The following PPP2R2B variants were observed in gnomAD, a reference collection of about 807,000 sequenced individuals.
The protein encoded by PPP2R2B is serine/threonine-protein phosphatase 2A 55 kDa regulatory subunit B beta isoform.
A neutral mutation model predicts 46.0 loss-of-function variants in PPP2R2B; 5 were observed. The ratio of observed to expected loss-of-function variants is 0.11; its 90% CI spans 0.06 to 0.23. The LOEUF is 0.23. Ranked by LOEUF, PPP2R2B falls within the 10% of genes least tolerant of loss-of-function variation. The probability of loss-of-function intolerance (pLI) is 1.00; values close to 1 mark genes in which losing one functional copy is unlikely to be tolerated. For missense variants in PPP2R2B, 367 were observed against 575.0 expected, an observed-to-expected ratio of 0.64 and a Z score of 3.70; for synonymous variants, 215 against 206.7, an observed-to-expected ratio of 1.04 and a Z score of -0.34.
At chr5:146,902,944 T>G (rs955890163) in intron 1 of PPP2R2B, among the ~76,000 whole-genome samples, 51 of 152,312 alleles carry the variant, frequency 3.3e-4, no homozygotes, top group African/African-American at 1.1e-3. Context: ...TCAAAACCAT[T>G]TTCATAATAC....
chr5:146,633,587 G>T (rs1367690774), intron 7 of PPP2R2B, among the ~76,000 whole-genome samples: 6 of 152,254 alleles, frequency 3.9e-5, no homozygotes, highest in African/African-American at 1.4e-4. Context: ...TTCTTAATTA[G>T]ATTAGCAGGC....
intron 7 of PPP2R2B, among the ~76,000 whole-genome samples, chr5:146,623,073 T>C (rs181991564): frequency 2.9e-4 from 44 of 152,358 alleles, no homozygotes; most frequent in African/African-American, 7.7e-4. Context: ...GGGATGGCCC[T>C]TGGAATCTTC....
At chr5:147,069,627 C>T (rs1360520820) in intron 2 of PPP2R2B, among the ~76,000 whole-genome samples, 1 of 152,028 alleles carries the variant, frequency 6.6e-6, no homozygotes, top group Non-Finnish European at 1.5e-5. Flanking sequence ...TGTGTCTAAA[C>T]ACTGTTCCCA....
At chr5:146,850,351 C>A (rs886486055) in intron 2 of PPP2R2B, among the ~76,000 whole-genome samples, 3 of 152,112 alleles carry the variant, frequency 2.0e-5, no homozygotes, top group African/African-American at 7.2e-5. Flanking sequence ...CAAACTTGGT[C>A]ACTTTCCCCA....
chr5:146,649,467 T>C (rs1775803969), intron 6 of PPP2R2B, among the ~76,000 whole-genome samples: 1 of 151,914 alleles, frequency 6.6e-6, no homozygotes, highest in Non-Finnish European at 1.5e-5. Context: ...TTTTTTGAGA[T>C]GGAGTCTGGC....
rs1319132775 is a variant in PPP2R2B, at chr5:146,739,651, A to G, written c.71-38509T>C. On this transcript the variant is annotated intron_variant, in intron 2 of 9. Transcript: ENST00000394411. ...GGAAGAGGATGCATCAAAGATTTTA[A>G]GGAAAGAAGCTACGATTATAATTTA... 2.0e-5 allele frequency among the ~76,000 whole-genome samples: 3 copies of G among 152,218 alleles called. No homozygotes were observed. The East Asian group carries it at 5.8e-4, about 29-fold the overall frequency.
At chr5:146,902,954 C>T (rs780214862) in intron 1 of PPP2R2B, among the ~76,000 whole-genome samples, 7 of 152,126 alleles carry the variant, frequency 4.6e-5, no homozygotes, top group Non-Finnish European at 1.0e-4. Context: ...TTTCATAATA[C>T]GAAGATGTTA....
At chr5:147,047,712 A>G (rs1267482880) in intron 1 of PPP2R2B, among the ~76,000 whole-genome samples, 1 of 152,146 alleles carries the variant, frequency 6.6e-6, no homozygotes, top group African/African-American at 2.4e-5. Context: ...TGTTTTAGCC[A>G]ATACCTGAAT....
At chr5:146,653,053 T>G (rs1009995789) in intron 5 of PPP2R2B, among the ~76,000 whole-genome samples, 3 of 152,194 alleles carry the variant, frequency 2.0e-5, no homozygotes, top group African/African-American at 7.2e-5. Flanking sequence ...TGTCAAGTAT[T>G]CTTCATACAT....
At chr5:147,017,584 G>T (rs1282275826) in intron 1 of PPP2R2B, among the ~76,000 whole-genome samples, 1 of 151,506 alleles carries the variant, frequency 6.6e-6, no homozygotes, top group Non-Finnish European at 1.5e-5. Flanking sequence ...TATTAGGAAT[G>T]CAAAGAGAAA....
chr5:146,973,532 G>A (rs748977879), intron 1 of PPP2R2B, among the ~76,000 whole-genome samples: 12 of 152,164 alleles, frequency 7.9e-5, no homozygotes. Context: ...GTCACACTGG[G>A]TTAGTGGCAT....
At chr5:146,633,209 C>T (rs1263708007) in intron 7 of PPP2R2B, among the ~76,000 whole-genome samples, 1 of 152,154 alleles carries the variant, frequency 6.6e-6, no homozygotes, top group Admixed American at 6.5e-5. Flanking sequence ...GAGTGAGGGA[C>T]ATATGGAAAT....
chr5:146,634,987 T>C (rs922645742), intron 7 of PPP2R2B, among the ~76,000 whole-genome samples: 1 of 152,170 alleles, frequency 6.6e-6, no homozygotes, highest in Non-Finnish European at 1.5e-5. Context: ...GTTTCGAACA[T>C]CTTATGTCTG....
At chr5:146,616,742 G>A (rs995817224) in intron 7 of PPP2R2B, among the ~76,000 whole-genome samples, 3 of 152,180 alleles carry the variant, frequency 2.0e-5, no homozygotes, top group Admixed American at 6.5e-5. Flanking sequence ...AGGATGTGGA[G>A]AAAAGGGAAC....
chr5:146,812,695 ATATATACACTGCTATCACTAGAGTTACTT>A (rs1757648963), intron 2 of PPP2R2B, among the ~76,000 whole-genome samples: 1 of 44,346 alleles, frequency 2.3e-5, no homozygotes, highest in Non-Finnish European at 4.0e-5. Flanking sequence ...ATATATATAT[ATATATACACTGCTATCACTAGAGTTACTT>A]TATATATATA....
At chr5:146,664,742 AG>A (rs1365350308) in intron 5 of PPP2R2B, among the ~76,000 whole-genome samples, 1 of 152,168 alleles carries the variant, frequency 6.6e-6, no homozygotes, top group African/African-American at 2.4e-5. Flanking sequence ...GATCCATCAG[AG>A]GAACTATTTT....
At chr5:146,962,400 T>A (rs1752211700) in intron 1 of PPP2R2B, among the ~76,000 whole-genome samples, 1 of 151,972 alleles carries the variant, frequency 6.6e-6, no homozygotes, top group South Asian at 2.1e-4. Flanking sequence ...GGCTCATGCC[T>A]GTAATCCTAG....
chr5:146,928,928 T>A (rs963845349), intron 1 of PPP2R2B, among the ~76,000 whole-genome samples: 3 of 152,218 alleles, frequency 2.0e-5, no homozygotes, highest in Admixed American at 1.3e-4. Context: ...CTTGCTGGCA[T>A]CCTTAATGCT....
intron 2 of PPP2R2B, among the ~76,000 whole-genome samples, chr5:146,785,568 C>G (rs1561905117): frequency 6.6e-6 from 1 of 151,912 alleles, no homozygotes; most frequent in Non-Finnish European, 1.5e-5. Flanking sequence ...AAACAAAAAA[C>G]AAAAACAACT....
Sources: allele counts gnomAD v4.1 joint callset (sites outside exome capture counted in the v4.1 genomes callset), GRCh38; gene constraint gnomAD v4.1.1; transcripts MANE v1.5; gene names NCBI Gene and HGNC (gene_info 2026-07-23, HGNC 2026-07-21).